ROBO1: variants seen among roughly 807,000 people sequenced by gnomAD.
The protein encoded by ROBO1 is roundabout homolog 1.
Under a neutral mutation model 195.9 loss-of-function variants are expected in ROBO1, and 149 were observed. The observed-to-expected ratio is 0.76, with a 90% CI of 0.67 to 0.87. The LOEUF is 0.87. Ranked by LOEUF, ROBO1 falls within the 40% of genes least tolerant of loss-of-function variation. The pLI is 0.00. For missense variants in ROBO1, 1,933 were observed against 2,068.3 expected, an observed-to-expected ratio of 0.93 and a Z score of 1.27; for synonymous variants, 816 against 733.2, an observed-to-expected ratio of 1.11 and a Z score of -1.82.
chr3:78,693,112 C>T (rs771586630), intron 8 of ROBO1: 6 of 456,958 alleles, frequency 1.3e-5, no homozygotes, highest in East Asian at 3.4e-5. Flanking sequence ...GCAGATCACA[C>T]ATCATTTAAT....
At chr3:79,237,254 G>GGGC (rs1457311992) in intron 2 of ROBO1, among the ~76,000 whole-genome samples, 4 of 152,064 alleles carry the variant, frequency 2.6e-5, no homozygotes, top group African/African-American at 9.7e-5. Context: ...AGCCCGAGGC[G>GGGC]GGCGGATCAC....
At chr3:79,617,295 C>A (rs1416926633) in intron 1 of ROBO1, among the ~76,000 whole-genome samples, 1 of 151,980 alleles carries the variant, frequency 6.6e-6, no homozygotes, top group Non-Finnish European at 1.5e-5. Flanking sequence ...AATTTCACAA[C>A]CAAATAAAAA....
chr3:79,463,072 C>T (rs1937736876), intron 2 of ROBO1, among the ~76,000 whole-genome samples: 1 of 152,068 alleles, frequency 6.6e-6, no homozygotes, highest in East Asian at 1.9e-4. Context: ...ATTGTCTATT[C>T]ACTGTCAGAA....
At chr3:79,719,921 G>A (rs1364536881) in intron 1 of ROBO1, among the ~76,000 whole-genome samples, 1 of 152,120 alleles carries the variant, frequency 6.6e-6, no homozygotes, top group Admixed American at 6.5e-5. Flanking sequence ...CATATTTGAG[G>A]GAGAGCATAG....
At chr3:79,023,465 T>C (rs1464281700) in intron 3 of ROBO1, among the ~76,000 whole-genome samples, 2 of 152,160 alleles carry the variant, frequency 1.3e-5, no homozygotes, top group African/African-American at 4.8e-5. Flanking sequence ...GAGGCCTATT[T>C]AGTTTGAGCT....
At chr3:78,829,317 A>G (rs1193282081) in intron 4 of ROBO1, among the ~76,000 whole-genome samples, 2 of 152,210 alleles carry the variant, frequency 1.3e-5, no homozygotes, top group African/African-American at 4.8e-5. Flanking sequence ...TGTCATTTTT[A>G]AAAAGCAAGT....
intron 5 of ROBO1, among the ~76,000 whole-genome samples, chr3:78,735,746 C>T (rs975154929): frequency 1.3e-5 from 2 of 151,920 alleles, no homozygotes; most frequent in Non-Finnish European, 2.9e-5. Flanking sequence ...GAAATAAATC[C>T]ATGAAAACCC....
chr3:79,607,142 C>G (rs1160195798), intron 1 of ROBO1, among the ~76,000 whole-genome samples: 1 of 136,630 alleles, frequency 7.3e-6, no homozygotes, highest in Non-Finnish European at 1.6e-5. Context: ...CATAGTGGAA[C>G]CTAAAAATGG....
intron 4 of ROBO1, among the ~76,000 whole-genome samples, chr3:78,804,822 T>G (rs1181883147): frequency 6.6e-6 from 1 of 151,908 alleles, no homozygotes. Context: ...CAAGTTCCAT[T>G]GGCTTGCAGC....
In ROBO1 at chr3:79,410,422, AAAAACAAAAAT is replaced by A. The variant is rs1206899522; in HGVS notation, c.88+179391_88+179401del. Among the ~76,000 whole-genome samples, 48 of 152,286 alleles carry A rather than the reference AAAAACAAAAAT, an allele frequency of 3.2e-4. 2 individuals are homozygous for A. Among genetic ancestry groups the A allele is most frequent in the Admixed American group, 2.0e-3 (31 of 15,278 alleles). Reference sequence around the variant, plus strand: ...AAGGTTTGGACTTTATGGTAAAAATAAAAACAAAAATAAAACAAATGAAAAAAACAAAACAT... The same window carrying A: ...AAGGTTTGGACTTTATGGTAAAAATAAAAACAAATGAAAAAAACAAAACAT... On this transcript the variant is annotated intron_variant, in intron 2 of 30. Transcript: ENST00000464233.
At chr3:79,727,447 A>C (rs1036677629) in intron 1 of ROBO1, among the ~76,000 whole-genome samples, 1 of 152,176 alleles carries the variant, frequency 6.6e-6, no homozygotes, top group Non-Finnish European at 1.5e-5. Flanking sequence ...TTTTAAAATA[A>C]TGTTTTGGCC....
intron 4 of ROBO1, among the ~76,000 whole-genome samples, chr3:78,903,832 A>G (rs1273031278): frequency 6.6e-6 from 1 of 152,150 alleles, no homozygotes; most frequent in Non-Finnish European, 1.5e-5. Context: ...TAGGCTGCAT[A>G]ATAAAAGAAC....
chr3:78,943,387 A>C (rs565757471), intron 3 of ROBO1, among the ~76,000 whole-genome samples: 1 of 152,282 alleles, frequency 6.6e-6, no homozygotes, highest in East Asian at 1.9e-4. Flanking sequence ...CTATAGCGAA[A>C]CCACAACCAG....
intron 28 of ROBO1, among the ~76,000 whole-genome samples, chr3:78,607,515 G>C (rs532981162): frequency 1.3e-5 from 2 of 152,226 alleles, no homozygotes; most frequent in South Asian, 4.1e-4. Context: ...ACCCAGCCAA[G>C]ACCAACACTT....
chr3:79,286,751 A>G (rs1407933218), intron 2 of ROBO1, among the ~76,000 whole-genome samples: 2 of 152,186 alleles, frequency 1.3e-5, no homozygotes, highest in African/African-American at 4.8e-5. Context: ...ATGTATATAT[A>G]AAATAACTGG....
chr3:78,942,928 T>C (rs2040216722), intron 3 of ROBO1, among the ~76,000 whole-genome samples: 2 of 151,684 alleles, frequency 1.3e-5, no homozygotes, highest in Admixed American at 1.3e-4. Context: ...GTTTATTTTT[T>C]TTTTTGCCGG....
At chr3:79,650,013 CTATTT>C (rs1410561535) in intron 1 of ROBO1, among the ~76,000 whole-genome samples, 2 of 151,734 alleles carry the variant, frequency 1.3e-5, no homozygotes, top group African/African-American at 4.8e-5. Context: ...TCTATACTTT[CTATTT>C]TAAGATTTCT....
chr3:78,734,006 C>G (rs560329936), intron 5 of ROBO1, among the ~76,000 whole-genome samples: 2 of 152,290 alleles, frequency 1.3e-5, no homozygotes, highest in African/African-American at 4.8e-5. Context: ...TAATACAGCA[C>G]TTCTGCTTAA....
rs559035481 is a variant in ROBO1, at chr3:78,656,782, G to A, written c.2614+316C>T. On this transcript the variant is annotated intron_variant, in intron 18 of 30. Transcript: ENST00000464233. Reference sequence around the variant, plus strand: ...ATAGATAAAAAAATTATATAGGACAGGATTAGGATAACATTGAATATTGAC... The same window carrying A: ...ATAGATAAAAAAATTATATAGGACAAGATTAGGATAACATTGAATATTGAC... 1.1e-4 allele frequency among the ~76,000 whole-genome samples: 16 copies of A among 152,242 alleles called. No individual in the cohort carries two copies. The South Asian group carries it at 3.3e-3, about 32-fold the overall frequency.
Sources: gnomAD v4.1 joint callset for allele counts (sites outside exome capture counted in the v4.1 genomes callset) on GRCh38, gnomAD v4.1.1 for gene constraint, MANE v1.5 for transcripts, NCBI Gene and HGNC (gene_info 2026-07-23, HGNC 2026-07-21) for gene names.